FBXO17: variants seen among roughly 807,000 people sequenced by gnomAD.
FBXO17 encodes F-box protein 17, also known as F-box only protein 17.
A neutral mutation model predicts 34.1 loss-of-function variants in FBXO17; 43 were observed. That is an observed-to-expected ratio of 1.26 (90% confidence interval 0.99 to 1.62). The LOEUF (loss-of-function observed/expected upper bound fraction) is 1.62. FBXO17 is among the 40% of genes most tolerant of loss of function. FBXO17 has a pLI of 0.00. For synonymous variants in FBXO17, 169 were observed against 166.0 expected (o/e 1.02, Z -0.14); for missense variants, 424 against 386.7 (o/e 1.10, Z -0.81).
chr19:38,968,093 T>C lies in FBXO17; in HGVS notation c.-18+7493A>G, dbSNP rs534534069. ...GCTCATACCTGTAATCCCAGCACTTTGGGAGTCCTGAGGTCAAGAGTTCGA... is the reference window on the plus strand; with the variant it reads ...GCTCATACCTGTAATCCCAGCACTTCGGGAGTCCTGAGGTCAAGAGTTCGA... On this transcript the variant is annotated intron_variant, in intron 1 of 5. Transcript: ENST00000292852. Among the ~76,000 whole-genome samples, 3 of 152,154 alleles carry C rather than the reference T, an allele frequency of 2.0e-5. No individual in the cohort carries two copies. The East Asian group carries it at 5.8e-4, about 29-fold the overall frequency.
chr19:38,958,600 T>C (rs1357740972), intron 1 of FBXO17, among the ~76,000 whole-genome samples: 1 of 152,122 alleles, frequency 6.6e-6, no homozygotes, highest in Non-Finnish European at 1.5e-5. Context: ...GGGCCTAGTA[T>C]TGCCTGCTTC....
chr19:38,962,196 A>T (rs968690541), intron 1 of FBXO17, among the ~76,000 whole-genome samples: 29 of 151,692 alleles, frequency 1.9e-4, no homozygotes, highest in Non-Finnish European at 2.9e-4. Context: ...GTCTCAAAAA[A>T]AAAAAATAAA....
At chr19:38,958,818 C>T (rs1183085189) in intron 1 of FBXO17, among the ~76,000 whole-genome samples, 3 of 152,156 alleles carry the variant, frequency 2.0e-5, no homozygotes, top group African/African-American at 7.2e-5. Context: ...CACATTCCTC[C>T]CCTGGGCACG....
chr19:38,947,309 A>G (rs796938352), intron 3 of FBXO17: 5 of 152,322 alleles, frequency 3.3e-5, no homozygotes, highest in African/African-American at 1.2e-4. Context: ...GAACCGGCTG[A>G]GCGCGGTGGC....
chr19:38,954,445 T>G (rs1975132481), intron 1 of FBXO17, among the ~76,000 whole-genome samples: 1 of 151,316 alleles, frequency 6.6e-6, no homozygotes, highest in Admixed American at 6.6e-5. Context: ...AATTTTTATA[T>G]TTTTAGTAGA....
chr19:38,970,086 T>C (rs1234154394), intron 1 of FBXO17, among the ~76,000 whole-genome samples: 1 of 151,342 alleles, frequency 6.6e-6, no homozygotes, highest in Non-Finnish European at 1.5e-5. Context: ...TAAGATAAGA[T>C]GGACTACTAT....
chr19:38,964,723 C>T (rs898984394), intron 1 of FBXO17, among the ~76,000 whole-genome samples: 3 of 151,862 alleles, frequency 2.0e-5, no homozygotes, highest in African/African-American at 4.8e-5. Flanking sequence ...ACTATGATCA[C>T]ACCACTGTGC....
intron 1 of FBXO17, among the ~76,000 whole-genome samples, chr19:38,967,563 A>C (rs574170321): frequency 7.8e-6 from 1 of 128,180 alleles, no homozygotes; most frequent in Non-Finnish European, 1.6e-5. Flanking sequence ...CATTAGGAAA[A>C]TGCAATTTTT....
chr19:38,960,845 C>T (rs80026942), intron 1 of FBXO17, among the ~76,000 whole-genome samples: 4 of 148,262 alleles, frequency 2.7e-5, no homozygotes, highest in Non-Finnish European at 3.0e-5. Flanking sequence ...CTTGCTCTGT[C>T]GCCCAGGCTG....
At chr19:38,967,992 G>T (rs943602798) in intron 1 of FBXO17, among the ~76,000 whole-genome samples, 1 of 152,104 alleles carries the variant, frequency 6.6e-6, no homozygotes, top group African/African-American at 2.4e-5. Flanking sequence ...AGGCATCGCT[G>T]GTGGGGATGT....
chr19:38,963,574 T>A (rs1455089801), intron 1 of FBXO17, among the ~76,000 whole-genome samples: 2 of 152,182 alleles, frequency 1.3e-5, no homozygotes, highest in East Asian at 3.8e-4. Flanking sequence ...ATTACAGGCA[T>A]GAGCCACCGC....
chr19:38,943,830 T>G (rs556538625), intron 5 of FBXO17, among the ~76,000 whole-genome samples: 2 of 152,178 alleles, frequency 1.3e-5, no homozygotes, highest in Non-Finnish European at 2.9e-5. Context: ...CCTCAAGTGA[T>G]CTGTCCGCCT....
chr19:38,957,551 G>A (rs1250193830), intron 1 of FBXO17, among the ~76,000 whole-genome samples: 8 of 152,106 alleles, frequency 5.3e-5, no homozygotes, highest in African/African-American at 1.2e-4. Flanking sequence ...TCACCATGTT[G>A]GCCAGGCTGG....
chr19:38,948,011 T>C (rs998862123), intron 3 of FBXO17, among the ~76,000 whole-genome samples: 22 of 147,292 alleles, frequency 1.5e-4, no homozygotes, highest in African/African-American at 5.4e-4. Flanking sequence ...CATGTTCCCT[T>C]TTTTTTTTTT....
In FBXO17 at chr19:38,946,148, C is replaced by T. The variant is rs114524996; in HGVS notation, c.557+324G>A. ...CCTCAGCTCACAGGGCACCATGCTC[C>T]CACCCCTTCAGAGACCCTGGGCATC... is the stretch of plus-strand genomic sequence containing the variant. On this transcript the variant is annotated intron_variant, in intron 4 of 5. Coordinates refer to ENST00000292852, the MANE Select transcript of FBXO17 (RefSeq NM_024907.7). 2.9e-3 allele frequency: 1,143 copies of T among 400,970 alleles called. 13 individuals are homozygous for T. The highest frequency in any genetic ancestry group is 0.022 in the African/African-American group (1,075 of 49,230). The allele number at this position is 400,970 out of a possible 1,614,324, so 24.8% of individuals were successfully genotyped here. A position where few individuals can be genotyped will look rare whatever the true frequency, so the allele number is the denominator to read the frequency against.
At chr19:38,971,466 C>T (rs1399033819) in intron 1 of FBXO17, among the ~76,000 whole-genome samples, 1 of 152,102 alleles carries the variant, frequency 6.6e-6, no homozygotes, top group Non-Finnish European at 1.5e-5. Context: ...AAAGAAAATA[C>T]CAAGTTCCAA....
chr19:38,956,092 C>T (rs901170780), intron 1 of FBXO17, among the ~76,000 whole-genome samples: 2 of 151,564 alleles, frequency 1.3e-5, no homozygotes, highest in African/African-American at 4.8e-5. Flanking sequence ...ATGGCGAAAC[C>T]CCATCTCTAC....
chr19:38,964,073 C>T (rs749262774), intron 1 of FBXO17, among the ~76,000 whole-genome samples: 5 of 152,100 alleles, frequency 3.3e-5, no homozygotes, highest in Non-Finnish European at 5.9e-5. Flanking sequence ...AGTGAGCCAT[C>T]GTGTCCAGCC....
chr19:38,974,330 G>A (rs985032685), intron 1 of FBXO17, among the ~76,000 whole-genome samples: 1 of 151,874 alleles, frequency 6.6e-6, no homozygotes, highest in East Asian at 1.9e-4. Context: ...CGCCCGCCTC[G>A]GCCTCCCAGA....
Sources: gnomAD v4.1 joint callset for allele counts (sites outside exome capture counted in the v4.1 genomes callset) on GRCh38, gnomAD v4.1.1 for gene constraint, MANE v1.5 for transcripts, NCBI Gene and HGNC (gene_info 2026-07-23, HGNC 2026-07-21) for gene names.